The following TBC1D2B variants were observed in gnomAD, a reference collection of about 807,000 sequenced individuals.
TBC1D2B encodes the protein TBC1 domain family, member 2B.
A neutral mutation model predicts 100.8 loss-of-function variants in TBC1D2B; 64 were observed. That is an observed-to-expected ratio of 0.64 (90% confidence interval 0.52 to 0.78). The LOEUF (loss-of-function observed/expected upper bound fraction) is 0.78, where lower values mean the gene tolerates loss of function less well. Ranked by LOEUF, TBC1D2B falls within the 30% of genes least tolerant of loss-of-function variation. The pLI is 0.00. For missense variants in TBC1D2B, 1,052 were observed against 1,218.4 expected, an observed-to-expected ratio of 0.86 and a Z score of 2.03; for synonymous variants, 480 against 479.7, an observed-to-expected ratio of 1.00 and a Z score of -0.01.
chr15:78,075,496 G>T (rs148401791), intron 1 of TBC1D2B, among the ~76,000 whole-genome samples: 431 of 152,182 alleles, frequency 2.8e-3, no homozygotes, highest in Non-Finnish European at 4.6e-3. Context: ...TTATTTTAAT[G>T]AAAAAAACTG....
intron 9 of TBC1D2B, among the ~76,000 whole-genome samples, chr15:78,009,809 C>A (rs949551540): frequency 6.6e-6 from 1 of 151,934 alleles, no homozygotes; most frequent in East Asian, 1.9e-4. Context: ...CCTGTCTCTA[C>A]TAAAGATACA....
intron 8 of TBC1D2B, among the ~76,000 whole-genome samples, chr15:78,013,860 G>C (rs2072300483): frequency 6.6e-6 from 1 of 152,204 alleles, no homozygotes; most frequent in South Asian, 2.1e-4. Flanking sequence ...ATGCAGTTAA[G>C]ACTACAGAAC....
chr15:78,043,087 A>G (rs939145694), intron 3 of TBC1D2B, among the ~76,000 whole-genome samples: 3 of 152,206 alleles, frequency 2.0e-5, no homozygotes, highest in African/African-American at 7.2e-5. Context: ...TATATCCTAT[A>G]TATCCCACTC....
Position 78,025,381 on chromosome 15 carries a change from T to C in TBC1D2B, c.964A>G (p.Ser322Gly), listed in dbSNP as rs545701621. ...CTGCCACTGCCTGATGTGCCTTCAC[T>C]TGAAGGGTCACCACTGCTGTGACGA... ...KNRHSSGDPS[S>G]EGTSGSGSVS... is the part of the protein sequence containing the mutation. The change falls in exon 5 of 13, where the codon AGT becomes GGT. Residue 322 changes from serine to glycine, a missense_variant. Physicochemically the swap from Ser to Gly is moderately conservative, Grantham distance 56. This residue lies in a region of TBC1D2B where 627 missense variants were observed against 646.1 expected (regional missense o/e 0.97). Coordinates refer to ENST00000300584, the MANE Select transcript of TBC1D2B (RefSeq NM_144572.2). 45 of 1,614,002 alleles carry C rather than the reference T, an allele frequency of 2.8e-5. No homozygotes were observed. Among genetic ancestry groups the C allele is most frequent in the African/African-American group, 2.1e-4 (16 of 75,064 alleles).
At chr15:78,068,387 A>C (rs887785937) in intron 1 of TBC1D2B, among the ~76,000 whole-genome samples, 7 of 134,318 alleles carry the variant, frequency 5.2e-5, no homozygotes, top group East Asian at 3.0e-4. Flanking sequence ...CCACACCCAC[A>C]CACACACACA....
intron 3 of TBC1D2B, among the ~76,000 whole-genome samples, chr15:78,036,354 T>C (rs911444274): frequency 1.3e-5 from 2 of 152,226 alleles, no homozygotes; most frequent in Non-Finnish European, 2.9e-5. Flanking sequence ...TCACTTGCTA[T>C]GGTTTGAATA....
chr15:78,034,331 T>C (rs768669444), intron 3 of TBC1D2B: 13 of 196,454 alleles, frequency 6.6e-5, no homozygotes, highest in Non-Finnish European at 1.1e-4. Flanking sequence ...GGTTCATCAC[T>C]TCACAGGGCA....
chr15:78,017,860 T>A lies in TBC1D2B; in HGVS notation c.1568A>T (p.Asp523Val), dbSNP rs2072415976. ...LRRNAERRERDLMAKYSSLEA... is the reference protein window; with the variant it reads ...LRRNAERRERVLMAKYSSLEA... ...ATCCTGACCCACCTTTGCCATCAGA[T>A]CCCTCTCTCTCCTTTCTGCATTTCT... The change falls in exon 7 of 13, where the codon GAT becomes GTT. Residue 523 changes from aspartate to valine, a missense_variant. Asp to Val is a radical substitution (Grantham distance 152). Transcript: ENST00000300584. 1 of 1,609,356 alleles carries A rather than the reference T, an allele frequency of 6.2e-7. No homozygotes were observed. The highest frequency in any genetic ancestry group is 2.2e-5 in the East Asian group (1 of 44,744).
chr15:78,031,574 A>AAAAAG (rs1452770906), intron 3 of TBC1D2B, among the ~76,000 whole-genome samples: 1 of 147,506 alleles, frequency 6.8e-6, no homozygotes, highest in African/African-American at 2.6e-5. Context: ...AAAAAAAAAA[A>AAAAAG]AGAGAGAGAG....
At chr15:78,056,570 G>A (rs780971272) in intron 1 of TBC1D2B, among the ~76,000 whole-genome samples, 1 of 152,190 alleles carries the variant, frequency 6.6e-6, no homozygotes, top group Non-Finnish European at 1.5e-5. Context: ...CCTGGGGCGG[G>A]GCAAAGAGCA....
chr15:78,052,979 C>A (rs552058418), intron 2 of TBC1D2B, among the ~76,000 whole-genome samples: 2 of 152,184 alleles, frequency 1.3e-5, no homozygotes, highest in African/African-American at 2.4e-5. Flanking sequence ...AAAACTCTCA[C>A]AGAAAACATA....
chr15:78,034,782 C>G (rs1225671695), intron 3 of TBC1D2B: 4 of 976,510 alleles, frequency 4.1e-6, no homozygotes, highest in South Asian at 4.7e-5. Flanking sequence ...GTGAAAGCCT[C>G]TTGAAGCTGA....
At chr15:78,032,198 G>C (rs1257393323) in intron 3 of TBC1D2B, among the ~76,000 whole-genome samples, 1 of 152,156 alleles carries the variant, frequency 6.6e-6, no homozygotes, top group Non-Finnish European at 1.5e-5. Flanking sequence ...CCTCACACGG[G>C]ACCGGGAATA....
At chr15:78,052,017 C>T (rs147073632) in intron 2 of TBC1D2B, among the ~76,000 whole-genome samples, 17 of 152,282 alleles carry the variant, frequency 1.1e-4, no homozygotes, top group African/African-American at 3.9e-4. Flanking sequence ...TCTTCAAAGG[C>T]ACTCCACTGC....
chr15:78,011,644 G>T (rs113833046), intron 9 of TBC1D2B, among the ~76,000 whole-genome samples: 1 of 127,546 alleles, frequency 7.8e-6, no homozygotes, highest in African/African-American at 3.0e-5. Flanking sequence ...CTAATTTTTT[G>T]GTTTTTTTTT....
chr15:78,064,603 G>T (rs1413200081), intron 1 of TBC1D2B, among the ~76,000 whole-genome samples: 1 of 152,162 alleles, frequency 6.6e-6, no homozygotes, highest in Non-Finnish European at 1.5e-5. Flanking sequence ...CAAGAATATT[G>T]TAAGCAGCCT....
rs146036476 is a variant in TBC1D2B at position 78,013,083 on chromosome 15, C to G, written c.2010G>C (p.Lys670Asn). Residue 670 changes from lysine to asparagine, a missense_variant, in exon 9 of 13, where the codon AAG becomes AAC. This residue lies in a region of TBC1D2B where 373 missense variants were observed against 464.9 expected (regional missense o/e 0.80). Transcript: ENST00000300584. ...GACGGTCCACACACCACTTCCACAC[C>G]TTGGAACGGTGCTCGTGGGGAATGC... ...RAGIPHEHRS[K>N]VWKWCVDRHT... The G allele has an allele frequency of 4.3e-6, 7 of 1,613,884 alleles. No homozygotes were observed. Among genetic ancestry groups the G allele is most frequent in the Non-Finnish European group, 5.9e-6 (7 of 1,179,886 alleles).
At chr15:78,056,959 A>G (rs990993534) in intron 1 of TBC1D2B, among the ~76,000 whole-genome samples, 11 of 151,952 alleles carry the variant, frequency 7.2e-5, no homozygotes, top group Non-Finnish European at 1.6e-4. Flanking sequence ...GTGCCCAGAC[A>G]CTTCCTCTTG....
intron 3 of TBC1D2B, among the ~76,000 whole-genome samples, chr15:78,030,952 T>C (rs551171090): frequency 6.1e-4 from 93 of 152,360 alleles, no homozygotes; most frequent in African/African-American, 2.2e-3. Context: ...GGCAATATTC[T>C]AGATGCTTGG....
Sources: gnomAD v4.1 joint callset for allele counts (sites outside exome capture counted in the v4.1 genomes callset) on GRCh38, gnomAD v4.1.1 for gene constraint, gnomAD v4.1.1 regional missense constraint, MANE v1.5 for transcripts, NCBI Gene and HGNC (gene_info 2026-07-23, HGNC 2026-07-21) for gene names.